MEIS1: variants seen among roughly 807,000 people sequenced by gnomAD.
The protein encoded by MEIS1 is Meis homeobox 1, also known as homeobox protein Meis1.
Under a neutral mutation model 50.8 loss-of-function variants are expected in MEIS1, and 5 were observed. That is an observed-to-expected ratio of 0.10 (90% CI 0.05 to 0.21). The LOEUF is 0.21. Among genes scored for constraint, MEIS1 ranks in the 10% least tolerant of loss-of-function variants. The pLI is 1.00. For missense variants in MEIS1, 318 were observed against 517.3 expected (o/e 0.61, Z 3.74); for synonymous variants, 176 against 179.3 (o/e 0.98, Z 0.15).
chr2:66,496,722 T>G (rs1673413834), intron 7 of MEIS1, among the ~76,000 whole-genome samples: 1 of 152,218 alleles, frequency 6.6e-6, no homozygotes. Flanking sequence ...TGTATTTGGA[T>G]AGCTGGTTGC....
intron 7 of MEIS1, among the ~76,000 whole-genome samples, chr2:66,491,519 GA>G (rs1160467493): frequency 6.6e-6 from 1 of 152,124 alleles, no homozygotes; most frequent in East Asian, 1.9e-4. Flanking sequence ...AATTTCAGAG[GA>G]AAGTGCAGCA....
intron 6 of MEIS1, among the ~76,000 whole-genome samples, chr2:66,444,090 T>C (rs1484385824): frequency 6.6e-6 from 1 of 152,116 alleles, no homozygotes; most frequent in Non-Finnish European, 1.5e-5. Context: ...GTGAGTGAGA[T>C]GAAACAGGGC....
rs927323420 is a variant in MEIS1, at chr2:66,447,660, G to A, written c.630+4612G>A. ...GTATTTATGTGTGAGTTTCAGAGTAGGGATGTATTGATTCTTAATAGGGAC... is the reference window on the plus strand; with the variant it reads ...GTATTTATGTGTGAGTTTCAGAGTAAGGATGTATTGATTCTTAATAGGGAC... On this transcript the variant is annotated intron_variant, in intron 6 of 12. Transcript: ENST00000272369. Among the ~76,000 whole-genome samples, 3 of 152,060 alleles carry A rather than the reference G, an allele frequency of 2.0e-5. No individual in the cohort carries two copies. The South Asian group carries it at 6.2e-4, about 32-fold the overall frequency.
Position 66,463,499 on chromosome 2 carries a change from A to G in MEIS1, c.631-610A>G, listed in dbSNP as rs151262659. 2.9e-4 allele frequency among the ~76,000 whole-genome samples: 44 copies of G among 152,296 alleles called. No homozygotes were observed. The East Asian group carries it at 7.9e-3, about 27-fold the overall frequency. On this transcript the variant is annotated intron_variant, in intron 6 of 12. Coordinates refer to ENST00000272369, the MANE Select transcript of MEIS1 (RefSeq NM_002398.3). Reference sequence around the variant, plus strand: ...AGAAGCAACATCTGTTTTCCGTTCAATAGTACAAGAAGGCTCTGCATGGGG... The same window carrying G: ...AGAAGCAACATCTGTTTTCCGTTCAGTAGTACAAGAAGGCTCTGCATGGGG...
chr2:66,527,591 AGTGTGTGTGTGT>A lies in MEIS1; in HGVS notation c.888+15336_888+15347del, dbSNP rs71409176. On this transcript the variant is annotated intron_variant, in intron 8 of 12. Transcript: ENST00000272369. Reference sequence around the variant, plus strand: ...TGATACCTGTATTGCAGTAAAAGCAAGTGTGTGTGTGTGTGTGTGTGTGTGTGTGTGTGTGTG... The same window carrying A: ...TGATACCTGTATTGCAGTAAAAGCAAGTGTGTGTGTGTGTGTGTGTGTGTG... Among the ~76,000 whole-genome samples the A allele has an allele frequency of 2.0e-3, 252 of 124,480 alleles. 2 individuals are homozygous for A. The Middle Eastern group carries it at 0.032, about 16-fold the overall frequency. The allele number at this position is 124,480 out of a possible 152,430, so 81.7% of individuals were successfully genotyped here.
At chr2:66,555,170 G>A (rs1350726111) in intron 9 of MEIS1, among the ~76,000 whole-genome samples, 1 of 152,050 alleles carries the variant, frequency 6.6e-6, no homozygotes, top group Non-Finnish European at 1.5e-5. Context: ...TTAAAAGACT[G>A]TTTAAGCATT....
At chr2:66,546,545 A>T (rs974673518) in intron 8 of MEIS1, among the ~76,000 whole-genome samples, 1 of 152,166 alleles carries the variant, frequency 6.6e-6, no homozygotes, top group Non-Finnish European at 1.5e-5. Flanking sequence ...GCCTCTGTCC[A>T]TCTCTTCCCC....
chr2:66,549,568 A>G, intron 9 of MEIS1, among the ~76,000 whole-genome samples: 1 of 152,146 alleles, frequency 6.6e-6, no homozygotes. Context: ...AGGGGAGACC[A>G]TCAATTTTGC....
At chr2:66,438,694 G>C (rs958631858) in intron 2 of MEIS1, among the ~76,000 whole-genome samples, 2 of 152,132 alleles carry the variant, frequency 1.3e-5, no homozygotes, top group African/African-American at 4.8e-5. Context: ...ATTAGACCCT[G>C]GGCTAGTAGA....
At chr2:66,483,888 C>T (rs1673076922) in intron 7 of MEIS1, among the ~76,000 whole-genome samples, 1 of 152,112 alleles carries the variant, frequency 6.6e-6, no homozygotes, top group Non-Finnish European at 1.5e-5. Context: ...ATATATTTGG[C>T]CACTAACAAA....
intron 9 of MEIS1, among the ~76,000 whole-genome samples, chr2:66,556,759 T>TG (rs1165833993): frequency 2.6e-5 from 4 of 151,554 alleles, no homozygotes; most frequent in Admixed American, 2.6e-4. Context: ...GGCCGGGGAG[T>TG]GGGTAGGGGG....
chr2:66,450,944 C>T (rs554419765), intron 6 of MEIS1, among the ~76,000 whole-genome samples: 1 of 151,942 alleles, frequency 6.6e-6, no homozygotes, highest in Admixed American at 6.6e-5. Flanking sequence ...CTTTGGAAAC[C>T]TTCTATGCCT....
intron 7 of MEIS1, among the ~76,000 whole-genome samples, chr2:66,491,198 A>T (rs1301750912): frequency 6.6e-6 from 1 of 152,190 alleles, no homozygotes; most frequent in African/African-American, 2.4e-5. Flanking sequence ...TTAGGTATAA[A>T]CCTATAGGAA....
intron 9 of MEIS1, 116 bp downstream of exon 9, chr2:66,548,135 T>C: frequency 1.0e-6 from 1 of 955,142 alleles, no homozygotes; most frequent in Non-Finnish European, 1.6e-6. Flanking sequence ...TGGTGGCTTG[T>C]TGATTCAAAA....
chr2:66,441,532 G>A (rs975007076), intron 5 of MEIS1, 68 bp downstream of exon 5: 33 of 1,305,014 alleles, frequency 2.5e-5, no homozygotes, highest in Admixed American at 1.6e-4. Context: ...GGAGGGTTCC[G>A]AATGGCTGAA....
At chr2:66,479,635 A>G (rs1672971751) in intron 7 of MEIS1, among the ~76,000 whole-genome samples, 1 of 152,234 alleles carries the variant, frequency 6.6e-6, no homozygotes, top group Non-Finnish European at 1.5e-5. Flanking sequence ...TTTGATTTTA[A>G]TTAAAAACAT....
intron 8 of MEIS1, among the ~76,000 whole-genome samples, chr2:66,541,821 A>G (rs1674659527): frequency 6.6e-6 from 1 of 152,220 alleles, no homozygotes; most frequent in Non-Finnish European, 1.5e-5. Context: ...CTATGCATTC[A>G]GGCTATGTTC....
At chr2:66,562,038 A>AGTTTTTTTTTTTTTTTT (rs1675225647) in intron 9 of MEIS1, 1 of 61,274 alleles carries the variant, frequency 1.6e-5, no homozygotes, top group African/African-American at 6.4e-5. Flanking sequence ...TGAGCAAGTA[A>AGTTTTTTTTTTTTTTTT]TTTTTTTTTT....
intron 6 of MEIS1, chr2:66,443,443 CTTATT>C (rs886408356): frequency 5.5e-6 from 1 of 183,200 alleles, no homozygotes; most frequent in African/African-American, 2.4e-5. Context: ...CTGCTTATTT[CTTATT>C]TTATTAGGAA....
Sources: allele counts gnomAD v4.1 joint callset (sites outside exome capture counted in the v4.1 genomes callset), GRCh38; gene constraint gnomAD v4.1.1; transcripts MANE v1.5; gene names NCBI Gene and HGNC (gene_info 2026-07-23, HGNC 2026-07-21).